The following TRIM16 variants were observed in gnomAD, a reference collection of about 807,000 sequenced individuals.
The protein encoded by TRIM16 is tripartite motif-containing protein 16.
TRIM16 carries 33 observed loss-of-function variants against 50.4 expected under a neutral mutation model. The ratio of observed to expected loss-of-function variants is 0.65; its 90% confidence interval spans 0.50 to 0.88. The LOEUF (loss-of-function observed/expected upper bound fraction) is 0.88, where lower values mean the gene tolerates loss of function less well. TRIM16 is among the 40% of genes least tolerant of loss of function. TRIM16 has a pLI of 0.00. For missense variants in TRIM16, 581 were observed against 686.8 expected, an observed-to-expected ratio of 0.85 and a Z score of 1.72; for synonymous variants, 229 against 270.7, an observed-to-expected ratio of 0.85 and a Z score of 1.51.
intron 4 of TRIM16, among the ~76,000 whole-genome samples, chr17:15,678,398 A>G (rs1989038209): frequency 1.3e-5 from 2 of 152,190 alleles, no homozygotes; most frequent in Admixed American, 6.5e-5. Context: ...TTCTAGGTAT[A>G]CAAACATTTC....
intron 8 of TRIM16, among the ~76,000 whole-genome samples, chr17:15,641,421 T>C (rs548093439): frequency 6.7e-6 from 1 of 148,916 alleles, no homozygotes; most frequent in African/African-American, 2.5e-5. Context: ...TATTGTCATC[T>C]CTCCATGTCT....
chr17:15,649,538 G>A (rs149909537), intron 7 of TRIM16, among the ~76,000 whole-genome samples: 26 of 152,166 alleles, frequency 1.7e-4, no homozygotes, highest in Admixed American at 3.9e-4. Context: ...TGCCTGCCTC[G>A]GCCTCCCAAA....
In TRIM16 at chr17:15,651,249, C is replaced by A; in HGVS notation, c.361G>T (p.Glu121Ter). The part of the protein sequence containing the change: ...NIKLQSHLLT[E>*]PVKDHNWRYC... ...CGCCAGTTGTGGTCCTTCACTGGCT[C>A]GGTCAGCAGGTGGCTTTGCAGTTTG... Residue 121 changes from glutamate to a stop codon, truncating the protein, a stop_gained, in exon 7 of 12, where the codon GAG becomes TAG. Coordinates refer to ENST00000649191, the MANE Select transcript of TRIM16 (RefSeq NM_001348119.1). LOFTEE classifies it high-confidence loss of function. 6.2e-7 allele frequency: 1 copy of A among 1,614,184 alleles called. No individual in the cohort carries two copies. Among genetic ancestry groups the A allele is most frequent in the Non-Finnish European group, 8.5e-7 (1 of 1,180,036 alleles).
chr17:15,659,677 T>TA (rs1304396461), intron 6 of TRIM16, among the ~76,000 whole-genome samples: 2 of 152,190 alleles, frequency 1.3e-5, no homozygotes, highest in African/African-American at 2.4e-5. Context: ...AGTAAATCTT[T>TA]AAAAAATCTG....
rs1180280764 is a variant in TRIM16 at position 15,677,216 on chromosome 17, T to C, written c.-378A>G. On this transcript the variant is annotated 5_prime_UTR_variant, in exon 6 of 12. Coordinates refer to ENST00000649191, the MANE Select transcript of TRIM16 (RefSeq NM_001348119.1). The stretch of plus-strand genomic sequence containing the variant: ...TTGGCACCTCTCCCTCCTGCATTTG[T>C]GTTCGTGGGCTTACCACTTCTTCCA... 1.0e-6 allele frequency: 1 copy of C among 985,432 alleles called. No homozygotes were observed. The highest frequency in any genetic ancestry group is 1.2e-6 in the Non-Finnish European group (1 of 829,932). 61.0% of individuals were successfully genotyped at this position (985,432 alleles called of 1,614,324 possible). A position where few individuals can be genotyped will look rare whatever the true frequency, so the allele number is the denominator to read the frequency against.
intron 7 of TRIM16, among the ~76,000 whole-genome samples, chr17:15,648,936 A>G (rs2150916270): frequency 6.6e-6 from 1 of 152,266 alleles, no homozygotes; most frequent in South Asian, 2.1e-4. Context: ...TTAGCACTGT[A>G]CCTAAAGCCA....
At chr17:15,658,475 T>C (rs1333503486) in intron 6 of TRIM16, among the ~76,000 whole-genome samples, 1 of 152,150 alleles carries the variant, frequency 6.6e-6, no homozygotes, top group Admixed American at 6.5e-5. Flanking sequence ...GTAATATTTG[T>C]CCACCAGACT....
In TRIM16 at chr17:15,651,147, G is replaced by A. The variant is rs1248165650; in HGVS notation, c.463C>T (p.Gln155Ter). Residue 155 changes from glutamine (Q) to a stop codon, truncating the protein, a stop_gained, in exon 7 of 12, where the codon CAG becomes TAG. Coordinates refer to ENST00000649191, the MANE Select transcript of TRIM16 (RefSeq NM_001348119.1). LOFTEE classifies it high-confidence loss of function. ...ACTATGGTGTGGCCACTGTGCTCCT[G>A]GCAACAGTCCTGGCAGATGCACTGC... ...DQQCICQDCC[Q>*]EHSGHTIVSL... 3 of 1,614,116 alleles carry A rather than the reference G, an allele frequency of 1.9e-6. No individual in the cohort carries two copies. Among genetic ancestry groups the A allele is most frequent in the South Asian group, 1.1e-5 (1 of 91,082 alleles).
chr17:15,653,380 A>T (rs1055788115), intron 6 of TRIM16, among the ~76,000 whole-genome samples: 2 of 152,098 alleles, frequency 1.3e-5, no homozygotes, highest in African/African-American at 4.8e-5. Context: ...CAACACAAAC[A>T]CAGTAAGACG....
At chr17:15,631,220 A>C (rs1399155226) in intron 11 of TRIM16, among the ~76,000 whole-genome samples, 2 of 152,228 alleles carry the variant, frequency 1.3e-5, no homozygotes, top group African/African-American at 4.8e-5. Context: ...AACATCTGTG[A>C]CCTTGGATTG....
At chr17:15,639,688 G>C (rs71358344) in intron 8 of TRIM16, among the ~76,000 whole-genome samples, 1 of 149,790 alleles carries the variant, frequency 6.7e-6, no homozygotes, top group East Asian at 2.0e-4. Context: ...CTGCAGGTGG[G>C]GACAATAGTA....
rs979001527 is a variant in TRIM16 at position 15,628,005 on chromosome 17, T to G, written c.*610A>C. 6.6e-6 allele frequency: 1 copy of G among 152,246 alleles called. No individual in the cohort carries two copies. Among genetic ancestry groups the G allele is most frequent in the Non-Finnish European group, 1.5e-5 (1 of 68,110 alleles). 9.4% of individuals were successfully genotyped at this position (152,246 alleles called of 1,614,324 possible). Reference sequence around the variant, plus strand: ...ATTTATTATGATAACTCTGCAATCTTTTCAGCCACTCTTTAAGGTTCCTGG... The same window carrying G: ...ATTTATTATGATAACTCTGCAATCTGTTCAGCCACTCTTTAAGGTTCCTGG... On this transcript the variant is annotated 3_prime_UTR_variant, in exon 12 of 12. Transcript: ENST00000649191.
chr17:15,662,887 C>T (rs914035007), intron 6 of TRIM16, among the ~76,000 whole-genome samples: 1 of 152,146 alleles, frequency 6.6e-6, no homozygotes, highest in African/African-American at 2.4e-5. Context: ...TACATGAGGA[C>T]GTTCTGGCTA....
At chr17:15,680,288 A>G (rs868007568) in intron 4 of TRIM16, among the ~76,000 whole-genome samples, 23 of 149,214 alleles carry the variant, frequency 1.5e-4, no homozygotes, top group Middle Eastern at 6.8e-3. Context: ...TGCTCCTCCA[A>G]GTCCATACAG....
In TRIM16 at chr17:15,628,224, A is replaced by G; in HGVS notation, c.*391T>C. 6.1e-6 allele frequency: 1 copy of G among 163,974 alleles called. No individual in the cohort carries two copies. Among genetic ancestry groups the G allele is most frequent in the Non-Finnish European group, 1.3e-5 (1 of 75,772 alleles). The allele number at this position is 163,974 out of a possible 1,614,324, so 10.2% of individuals were successfully genotyped here. A position where few individuals can be genotyped will look rare whatever the true frequency, so the allele number is the denominator to read the frequency against. ...GGAGTTTGAGATCTGCCTGGCCAAC[A>G]TGGTGAAACCCCATCTCTACTAAAA... On this transcript the variant is annotated 3_prime_UTR_variant, in exon 12 of 12. Coordinates refer to ENST00000649191, the MANE Select transcript of TRIM16 (RefSeq NM_001348119.1).
At chr17:15,680,639 T>C (rs929544467) in intron 4 of TRIM16, among the ~76,000 whole-genome samples, 1 of 152,136 alleles carries the variant, frequency 6.6e-6, no homozygotes, top group African/African-American at 2.4e-5. Context: ...CCTTCACTGC[T>C]ACTGCCATAC....
Position 15,636,134 on chromosome 17 carries a change from T to C in TRIM16, c.751A>G (p.Ile251Val), listed in dbSNP as rs1370097164. ...CTCCTGTACTCCAGGTGGGCCTTGA[T>C]ACCGTTGGCCTGGCTCAGCGCAGCT... ...EQAALSQANG[I>V]KAHLEYRSAE... Residue 251 changes from isoleucine to valine, a missense_variant, in exon 9 of 12, where the codon ATC (isoleucine) becomes GTC (valine). Around this residue, in one of 3 missense-constraint regions of TRIM16, gnomAD observed 450 missense variants for 544.3 expected, o/e 0.83. Coordinates refer to ENST00000649191, the MANE Select transcript of TRIM16 (RefSeq NM_001348119.1). 1.2e-6 allele frequency: 2 copies of C among 1,610,102 alleles called. No individual in the cohort carries two copies. Among genetic ancestry groups the C allele is most frequent in the African/African-American group, 1.4e-5 (1 of 73,832 alleles).
chr17:15,634,991 G>GC (rs1567670363), intron 9 of TRIM16, among the ~76,000 whole-genome samples: 1 of 149,250 alleles, frequency 6.7e-6, no homozygotes, highest in African/African-American at 2.5e-5. Flanking sequence ...ACTGACAGAC[G>GC]CTTTGTTGGT....
chr17:15,650,737 A>G (rs533097936), intron 7 of TRIM16, among the ~76,000 whole-genome samples: 6 of 152,256 alleles, frequency 3.9e-5, no homozygotes, highest in Admixed American at 2.6e-4. Context: ...CCACAGGGAC[A>G]TATCACCGCC....
Sources: allele counts gnomAD v4.1 joint callset (sites outside exome capture counted in the v4.1 genomes callset), GRCh38; gene constraint gnomAD v4.1.1; regional missense constraint gnomAD v4.1.1; transcripts MANE v1.5; gene names NCBI Gene and HGNC (gene_info 2026-07-23, HGNC 2026-07-21).